CACNA1A: variants seen among roughly 807,000 people sequenced by gnomAD.
The protein encoded by CACNA1A is calcium voltage-gated channel subunit alpha1 A.
CACNA1A carries 57 observed loss-of-function variants against 262.4 expected under a neutral mutation model. That is an observed-to-expected ratio of 0.22 (90% confidence interval 0.18 to 0.27). The LOEUF (loss-of-function observed/expected upper bound fraction) is 0.27, where lower values mean the gene tolerates loss of function less well. CACNA1A is among the 10% of genes least tolerant of loss of function. The pLI is 1.00. For synonymous variants in CACNA1A, 1,431 were observed against 1,419.3 expected (o/e 1.01, Z -0.18); for missense variants, 2,526 against 3,562.8 (o/e 0.71, Z 7.41).
intron 10 of CACNA1A, among the ~76,000 whole-genome samples, chr19:13,317,768 A>G (rs2058155583): frequency 6.6e-6 from 1 of 152,224 alleles, no homozygotes; most frequent in South Asian, 2.1e-4. Context: ...TTTAGAAGTG[A>G]TCACTGAGGA....
In CACNA1A at chr19:13,437,691, C is replaced by CAAA. The variant is rs35266881; in HGVS notation, c.539+15182_539+15184dup. The stretch of plus-strand genomic sequence containing the variant: ...GGGCAACAAGAGTGAAACCCCATCT[C>CAAA]AAAAAAAAAAAAAAAAAAAAAAAGA... On this transcript the variant is annotated intron_variant, in intron 3 of 46. Transcript: ENST00000360228. 1.2e-3 allele frequency among the ~76,000 whole-genome samples: 80 copies of CAAA among 64,822 alleles called. 2 individuals carry two copies. The highest frequency in any genetic ancestry group is 1.9e-3 in the South Asian group (3 of 1,620). The allele number at this position is 64,822 out of a possible 152,430, so 42.5% of individuals were successfully genotyped here.
intron 3 of CACNA1A, among the ~76,000 whole-genome samples, chr19:13,446,760 A>ATT (rs58187031): frequency 6.3e-5 from 9 of 142,500 alleles, no homozygotes; most frequent in Middle Eastern, 3.6e-3. Flanking sequence ...CCCAGCTGGG[A>ATT]TTTTTTTTTT....
In CACNA1A at chr19:13,207,446, G is replaced by A. The variant is rs772131334; in HGVS notation, c.7388C>T (p.Ala2463Val). The stretch of plus-strand genomic sequence containing the variant: ...TCGCCGGCCGTGCCGAGAAGGCGAG[G>A]CGCAGGCCGGGCCCGAGGCCCGGGG... ...RTPRASGPAC[A>V]SPSRHGRRLP... Residue 2463 changes from alanine (A) to valine (V), a missense_variant, in exon 47 of 47, where the codon GCC becomes GTC. This residue lies in a region of CACNA1A where 929 missense variants were observed against 868.1 expected (regional missense o/e 1.07). Transcript: ENST00000360228. The surrounding 1 kb of genome is among the most constrained non-coding windows in gnomAD (Gnocchi z 5.7). 1 of 1,512,608 alleles carries A rather than the reference G, an allele frequency of 6.6e-7. No individual in the cohort carries two copies. The highest frequency in any genetic ancestry group is 8.8e-7 in the Non-Finnish European group (1 of 1,133,804). 93.7% of individuals were successfully genotyped at this position (1,512,608 alleles called of 1,614,324 possible).
chr19:13,316,374 C>T (rs984786737), intron 11 of CACNA1A: 4 of 152,162 alleles, frequency 2.6e-5, no homozygotes, highest in African/African-American at 9.7e-5. Flanking sequence ...TTGATACTAT[C>T]TCATGCTAAC....
chr19:13,283,504 A>G (rs2057336372), intron 21 of CACNA1A, 108 bp from the exon 22 acceptor site: 4 of 1,404,472 alleles, frequency 2.8e-6, no homozygotes, highest in Admixed American at 2.0e-5. Context: ...TCCAACCCCC[A>G]AGGCCTCCTA....
At chr19:13,469,536 C>T (rs1402772839) in intron 1 of CACNA1A, among the ~76,000 whole-genome samples, 2 of 149,422 alleles carry the variant, frequency 1.3e-5, no homozygotes, top group African/African-American at 4.9e-5. Flanking sequence ...AGCAGCTCCG[C>T]CTCCCGGGTT....
At chr19:13,482,611 C>G (rs1357297587) in intron 1 of CACNA1A, among the ~76,000 whole-genome samples, 1 of 152,112 alleles carries the variant, frequency 6.6e-6, no homozygotes, top group Non-Finnish European at 1.5e-5. Flanking sequence ...GACTGAATTT[C>G]TCAGTTCCCC....
intron 12 of CACNA1A, 86 bp downstream of exon 12, chr19:13,312,583 T>C: frequency 1.3e-6 from 1 of 775,932 alleles, no homozygotes; most frequent in Non-Finnish European, 2.1e-6. Context: ...AGGGGTGACT[T>C]TACCTTTCTC....
intron 9 of CACNA1A, among the ~76,000 whole-genome samples, chr19:13,331,412 T>A (rs1264640699): frequency 6.6e-6 from 1 of 151,816 alleles, no homozygotes; most frequent in African/African-American, 2.4e-5. Context: ...AATTTTTGTA[T>A]TTTTAGTAGA....
intron 3 of CACNA1A, among the ~76,000 whole-genome samples, chr19:13,420,765 T>C (rs2060304156): frequency 6.6e-6 from 1 of 152,174 alleles, no homozygotes; most frequent in Admixed American, 6.6e-5. Flanking sequence ...GAGAGAAAGA[T>C]GAGGTGACAT....
At chr19:13,268,893 CTTTTTTTTTTTTTTT>C (rs3050832) in intron 24 of CACNA1A, among the ~76,000 whole-genome samples, 3 of 107,948 alleles carry the variant, frequency 2.8e-5, no homozygotes, top group Admixed American at 2.0e-4. Context: ...ATAGATTCTA[CTTTTTTTTTTTTTTT>C]TTTTTTTTTT....
intron 1 of CACNA1A, among the ~76,000 whole-genome samples, chr19:13,505,638 C>G (rs936147843): frequency 2.0e-5 from 3 of 152,070 alleles, no homozygotes; most frequent in African/African-American, 7.2e-5. Context: ...GGCTCCTGCA[C>G]GACCCCAGGC....
chr19:13,208,042 G>T lies in CACNA1A; in HGVS notation c.6792C>A (p.Ser2264=). ...TTGAGGGGGCTGGGCTTCCACTTACGGAACTACTGCCCTACACGAAAATTG... is the reference window on the plus strand; with the variant it reads ...TTGAGGGGGCTGGGCTTCCACTTACTGAACTACTGCCCTACACGAAAATTG... ...EHMAHRQGSS[S]VSGSPAPSTS... Residue 2264 remains serine, a synonymous_variant, in exon 47 of 47, where the codon TCC becomes TCA. Transcript: ENST00000360228. The T allele has an allele frequency of 7.7e-7, 1 of 1,299,018 alleles. No homozygotes were observed. The highest frequency in any genetic ancestry group is 9.7e-7 in the Non-Finnish European group (1 of 1,027,892). The allele number at this position is 1,299,018 out of a possible 1,614,324, so 80.5% of individuals were successfully genotyped here.
chr19:13,294,872 T>C (rs139931878), intron 19 of CACNA1A, among the ~76,000 whole-genome samples: 3 of 152,292 alleles, frequency 2.0e-5, no homozygotes, highest in East Asian at 3.9e-4. Context: ...TTTTGATCTC[T>C]CATTCCCCTG....
intron 34 of CACNA1A, among the ~76,000 whole-genome samples, chr19:13,232,279 C>T (rs1305731562): frequency 6.6e-6 from 1 of 151,520 alleles, no homozygotes; most frequent in Non-Finnish European, 1.5e-5. Context: ...TCACTGCAGC[C>T]TCAACTTCCC....
chr19:13,504,229 T>G (rs544415232), intron 1 of CACNA1A, among the ~76,000 whole-genome samples: 1 of 152,126 alleles, frequency 6.6e-6, no homozygotes, highest in Non-Finnish European at 1.5e-5. Context: ...CCCTGAGCAC[T>G]TCAATGGGCC....
At chr19:13,208,093 T>A in intron 46 of CACNA1A, 40 bp from the exon 47 acceptor site, 1 of 1,057,936 alleles carries the variant, frequency 9.5e-7, no homozygotes, top group Admixed American at 6.5e-5. Flanking sequence ...AAAAAAAAGA[T>A]ACAACAAAAT....
intron 22 of CACNA1A, among the ~76,000 whole-genome samples, chr19:13,281,837 C>T (rs1436861967): frequency 6.6e-6 from 1 of 152,212 alleles, no homozygotes; most frequent in African/African-American, 2.4e-5. Context: ...GAGCTGAACG[C>T]TCTTTGCAAA....
rs147999365 is a variant in CACNA1A, at chr19:13,276,873, G to A, written c.3882+196C>T. On this transcript the variant is annotated intron_variant, in intron 23 of 46. Transcript: ENST00000360228. ...ATTACAGACATGTGCCACCATGCCC[G>A]GCTAATTTTTGTATTTTTAGTAGAG... Among the ~76,000 whole-genome samples, 2,835 of 151,612 alleles carry A rather than the reference G, an allele frequency of 0.019. 92 individuals are homozygous for A. The highest frequency in any genetic ancestry group is 0.066 in the African/African-American group (2,727 of 41,258).
Sources: gnomAD v4.1 joint callset for allele counts (sites outside exome capture counted in the v4.1 genomes callset) on GRCh38, gnomAD v4.1.1 for gene constraint, gnomAD v4.1.1 regional missense constraint, Gnocchi (gnomAD v3.1) non-coding constraint, MANE v1.5 for transcripts, NCBI Gene and HGNC (gene_info 2026-07-23, HGNC 2026-07-21) for gene names.